The following CADM2 variants were observed in gnomAD, a reference collection of about 807,000 sequenced individuals.
The protein encoded by CADM2 is immunoglobulin superfamily member 4D.
A neutral mutation model predicts 49.8 loss-of-function variants in CADM2; 12 were observed. That is an observed-to-expected ratio of 0.24 (90% CI 0.15 to 0.39). The LOEUF (loss-of-function observed/expected upper bound fraction) is 0.39. Ranked by LOEUF, CADM2 falls within the 10% of genes least tolerant of loss-of-function variation. The pLI, the probability that CADM2 is intolerant of heterozygous loss-of-function variation, is 1.00. For synonymous variants in CADM2, 214 were observed against 175.4 expected (o/e 1.22, Z -1.74); for missense variants, 378 against 492.3 (o/e 0.77, Z 2.20).
chr3:85,615,755 A>G (rs2063786368), intron 1 of CADM2, among the ~76,000 whole-genome samples: 1 of 151,816 alleles, frequency 6.6e-6, no homozygotes, highest in South Asian at 2.1e-4. Flanking sequence ...ATGCTGCCCT[A>G]TAGATCTGAA....
intron 5 of CADM2, among the ~76,000 whole-genome samples, chr3:85,911,113 CA>C (rs1717526155): frequency 6.6e-6 from 1 of 151,982 alleles, no homozygotes; most frequent in Non-Finnish European, 1.5e-5. Flanking sequence ...TATTTACTGA[CA>C]ATATCAATGT....
At chr3:85,474,680 A>G (rs564194893) in intron 1 of CADM2, among the ~76,000 whole-genome samples, 10 of 152,112 alleles carry the variant, frequency 6.6e-5, no homozygotes, top group Non-Finnish European at 1.5e-4. Context: ...AATAAAATTT[A>G]AAACCTTGAT....
intron 1 of CADM2, among the ~76,000 whole-genome samples, chr3:85,687,109 A>G (rs1340048671): frequency 1.3e-5 from 2 of 152,208 alleles, no homozygotes; most frequent in African/African-American, 4.8e-5. Flanking sequence ...TATGTCAAAT[A>G]TCTACTTAAA....
At position 85,413,138 on chromosome 3, in the gene CADM2, C is replaced by CAAATAA. The variant is rs1326081511; in HGVS notation, c.62-313381_62-313380insTAAAAA. Among the ~76,000 whole-genome samples the CAAATAA allele has an allele frequency of 8.2e-4, 14 of 17,108 alleles. No individual in the cohort carries two copies. The Admixed American group carries it at 0.012, about 15-fold the overall frequency. 11.2% of individuals were successfully genotyped at this position (17,108 alleles called of 152,430 possible). A position where few individuals can be genotyped will look rare whatever the true frequency, so the allele number is the denominator to read the frequency against. ...CCTGGGCGACAGCAAGACTCCGTCT[C>CAAATAA]AAAAAAAAAAAAAAAAAAAAAAAAA... On this transcript the variant is annotated intron_variant, in intron 1 of 9. Coordinates refer to ENST00000383699, the MANE Select transcript of CADM2 (RefSeq NM_001167675.2).
intron 8 of CADM2, among the ~76,000 whole-genome samples, chr3:85,988,711 T>A (rs1187957184): frequency 6.6e-6 from 1 of 152,192 alleles, no homozygotes; most frequent in Non-Finnish European, 1.5e-5. Flanking sequence ...AAGAATTACG[T>A]TTGTGTCCAG....
chr3:85,023,244 T>A (rs544850060), intron 1 of CADM2, among the ~76,000 whole-genome samples: 1 of 152,228 alleles, frequency 6.6e-6, no homozygotes, highest in African/African-American at 2.4e-5. Context: ...GTTGTTTTTG[T>A]TCTGTTTGTT....
At chr3:86,045,640 C>G (rs1736576655) in intron 8 of CADM2, among the ~76,000 whole-genome samples, 2 of 152,038 alleles carry the variant, frequency 1.3e-5, no homozygotes, top group South Asian at 4.1e-4. Flanking sequence ...TTTTCTTAGA[C>G]TTTCTTTTTT....
intron 5 of CADM2, among the ~76,000 whole-genome samples, chr3:85,888,641 A>G (rs1404538979): frequency 6.6e-6 from 1 of 152,132 alleles, no homozygotes; most frequent in Non-Finnish European, 1.5e-5. Context: ...TAATCTTACA[A>G]TTCTTTAGCA....
At chr3:85,387,047 C>G (rs1013448780) in intron 1 of CADM2, among the ~76,000 whole-genome samples, 2 of 152,126 alleles carry the variant, frequency 1.3e-5, no homozygotes, top group Non-Finnish European at 2.9e-5. Context: ...AAAGCAATCT[C>G]TCTGAGTAAG....
intron 7 of CADM2, among the ~76,000 whole-genome samples, chr3:85,951,619 A>G (rs1403193985): frequency 2.0e-5 from 3 of 151,084 alleles, no homozygotes; most frequent in South Asian, 4.1e-4. Flanking sequence ...ATTAATGATA[A>G]TACATTGTGC....
chr3:85,361,860 TTG>T (rs943975214), intron 1 of CADM2, among the ~76,000 whole-genome samples: 3 of 152,160 alleles, frequency 2.0e-5, no homozygotes, highest in African/African-American at 7.2e-5. Context: ...AAAATTTCCT[TTG>T]TGTTAGTCTG....
chr3:85,881,382 G>T (rs1403473014), intron 3 of CADM2, among the ~76,000 whole-genome samples: 1 of 151,954 alleles, frequency 6.6e-6, no homozygotes, highest in Non-Finnish European at 1.5e-5. Flanking sequence ...ATTCATCTCA[G>T]TATAGGCATC....
intron 2 of CADM2, among the ~76,000 whole-genome samples, chr3:85,767,327 G>A (rs2069709485): frequency 6.6e-6 from 1 of 152,130 alleles, no homozygotes; most frequent in South Asian, 2.1e-4. Flanking sequence ...CTGCTTCGAA[G>A]GCATGTAATG....
chr3:85,773,585 A>G (rs1243593355), intron 2 of CADM2, among the ~76,000 whole-genome samples: 2 of 152,070 alleles, frequency 1.3e-5, no homozygotes, highest in African/African-American at 2.4e-5. Flanking sequence ...TTACTTGTTT[A>G]GGAGTTCATT....
chr3:85,095,465 C>A (rs2037758975), intron 1 of CADM2, among the ~76,000 whole-genome samples: 1 of 152,034 alleles, frequency 6.6e-6, no homozygotes, highest in South Asian at 2.1e-4. Context: ...AACATCTAGA[C>A]CTCTGGCTCA....
At chr3:85,774,430 C>A (rs2070256840) in intron 2 of CADM2, among the ~76,000 whole-genome samples, 1 of 151,716 alleles carries the variant, frequency 6.6e-6, no homozygotes, top group South Asian at 2.1e-4. Flanking sequence ...ATATGCCAAG[C>A]AGAATGCACA....
chr3:85,208,995 C>G (rs1301789601), intron 1 of CADM2, among the ~76,000 whole-genome samples: 1 of 152,202 alleles, frequency 6.6e-6, no homozygotes, highest in East Asian at 1.9e-4. Flanking sequence ...GGATATTGAA[C>G]ATATTAAATT....
chr3:85,057,802 G>A (rs2036144584), intron 1 of CADM2, among the ~76,000 whole-genome samples: 1 of 152,086 alleles, frequency 6.6e-6, no homozygotes, highest in Non-Finnish European at 1.5e-5. Context: ...TTATTGAATA[G>A]TTCACATCTT....
intron 1 of CADM2, among the ~76,000 whole-genome samples, chr3:85,275,143 A>G (rs1388051842): frequency 4.0e-5 from 6 of 151,560 alleles, no homozygotes; most frequent in African/African-American, 1.2e-4. Context: ...AAATGGAAGA[A>G]TAACTTGAGT....
Sources: allele counts gnomAD v4.1 joint callset (sites outside exome capture counted in the v4.1 genomes callset), GRCh38; gene constraint gnomAD v4.1.1; transcripts MANE v1.5; gene names NCBI Gene and HGNC (gene_info 2026-07-23, HGNC 2026-07-21).